The following SORCS1 variants were observed in gnomAD, a reference collection of about 807,000 sequenced individuals.
SORCS1 encodes the protein sortilin related VPS10 domain containing receptor 1.
Under a neutral mutation model 146.1 loss-of-function variants are expected in SORCS1, and 60 were observed. The observed-to-expected ratio is 0.41, with a 90% CI of 0.33 to 0.51. SORCS1 has a LOEUF of 0.51. SORCS1 is among the 20% of genes least tolerant of loss of function. SORCS1 has a pLI of 0.21. For missense variants in SORCS1, 1,352 were observed against 1,487.6 expected (o/e 0.91, Z 1.50); for synonymous variants, 637 against 584.0 (o/e 1.09, Z -1.31).
intron 2 of SORCS1, among the ~76,000 whole-genome samples, chr10:106,844,170 T>G (rs1031162001): frequency 6.6e-6 from 1 of 152,224 alleles, no homozygotes; most frequent in African/African-American, 2.4e-5. Flanking sequence ...TACTATTGGC[T>G]TTTTATATGC....
chr10:107,151,120 T>G (rs757478749), intron 1 of SORCS1, among the ~76,000 whole-genome samples: 1 of 152,180 alleles, frequency 6.6e-6, no homozygotes, highest in Non-Finnish European at 1.5e-5. Flanking sequence ...AGTCTGGAAC[T>G]TCTAGAGAAT....
chr10:106,995,013 T>C (rs1261679302), intron 1 of SORCS1, among the ~76,000 whole-genome samples: 1 of 151,922 alleles, frequency 6.6e-6, no homozygotes, highest in African/African-American at 2.4e-5. Flanking sequence ...TATTAGCAGT[T>C]AAAAAGTAAG....
intron 6 of SORCS1, among the ~76,000 whole-genome samples, chr10:106,729,296 G>T (rs1856425406): frequency 6.6e-6 from 1 of 152,148 alleles, no homozygotes; most frequent in Admixed American, 6.5e-5. Flanking sequence ...CTACAACATT[G>T]TCATGAGGCT....
At chr10:106,870,871 C>CA (rs71025564) in intron 2 of SORCS1, among the ~76,000 whole-genome samples, 16,144 of 151,692 alleles carry the variant, frequency 0.11, 1,469 homozygotes, top group East Asian at 0.3. Flanking sequence ...TTCTTCACAG[C>CA]AAAAAAGAAA....
At chr10:106,975,976 C>T (rs1955977781) in intron 1 of SORCS1, among the ~76,000 whole-genome samples, 2 of 151,960 alleles carry the variant, frequency 1.3e-5, no homozygotes, top group Non-Finnish European at 2.9e-5. Context: ...GGTGAAACTC[C>T]GTCTCTACTA....
intron 10 of SORCS1, among the ~76,000 whole-genome samples, chr10:106,681,238 G>T (rs1852412710): frequency 6.6e-6 from 1 of 152,056 alleles, no homozygotes; most frequent in Non-Finnish European, 1.5e-5. Context: ...TGTAAGACAG[G>T]GTAAACCAGG....
chr10:107,163,633 C>A (rs1296157980), intron 1 of SORCS1, among the ~76,000 whole-genome samples: 1 of 152,132 alleles, frequency 6.6e-6, no homozygotes, highest in Admixed American at 6.5e-5. Context: ...GAAATTTAAC[C>A]CTTTCATCTC....
intron 5 of SORCS1, among the ~76,000 whole-genome samples, chr10:106,734,371 C>A (rs1856807871): frequency 6.6e-6 from 1 of 152,116 alleles, no homozygotes; most frequent in African/African-American, 2.4e-5. Flanking sequence ...GTGGGGGTGC[C>A]ACTTAAGCCA....
chr10:106,710,201 C>A (rs1854869613), intron 6 of SORCS1, among the ~76,000 whole-genome samples: 1 of 152,268 alleles, frequency 6.6e-6, no homozygotes, highest in African/African-American at 2.4e-5. Flanking sequence ...GTAATCCCAG[C>A]ACTTTGGGAG....
At chr10:106,711,924 G>T (rs573040733) in intron 6 of SORCS1, among the ~76,000 whole-genome samples, 1 of 152,152 alleles carries the variant, frequency 6.6e-6, no homozygotes, top group South Asian at 2.1e-4. Flanking sequence ...TAGCTTGGGG[G>T]TCATAGAAAC....
chr10:106,854,142 T>A (rs1047579279), intron 2 of SORCS1, among the ~76,000 whole-genome samples: 11 of 152,112 alleles, frequency 7.2e-5, no homozygotes, highest in African/African-American at 2.4e-4. Flanking sequence ...ATGTTAGGCA[T>A]GTGCATATTA....
chr10:106,827,478 T>A (rs1366981750), intron 3 of SORCS1, among the ~76,000 whole-genome samples: 1 of 152,210 alleles, frequency 6.6e-6, no homozygotes, highest in South Asian at 2.1e-4. Flanking sequence ...CCTCTGAGGA[T>A]GAGTTGCTGG....
At chr10:106,916,575 TACACACAC>T (rs59313831) in intron 2 of SORCS1, among the ~76,000 whole-genome samples, 1 of 142,838 alleles carries the variant, frequency 7.0e-6, no homozygotes, top group Non-Finnish European at 1.5e-5. Context: ...TGCATATATA[TACACACAC>T]ACACACACAC....
chr10:106,598,236 ATATTAT>A lies in SORCS1; in HGVS notation c.3166-792_3166-787del, dbSNP rs10579142. On this transcript the variant is annotated intron_variant, in intron 23 of 25. Coordinates refer to ENST00000263054, the MANE Select transcript of SORCS1 (RefSeq NM_052918.5). ...TTACGGGGATAACAACACTCCTATT[ATATTAT>A]TATTATTATTATTATTATTATTATT... 6.1e-3 allele frequency among the ~76,000 whole-genome samples: 858 copies of A among 140,464 alleles called. 2 individuals carry two copies. The highest frequency in any genetic ancestry group is 0.012 in the Admixed American group (160 of 13,838). The allele number at this position is 140,464 out of a possible 152,430, so 92.1% of individuals were successfully genotyped here.
intron 1 of SORCS1, among the ~76,000 whole-genome samples, chr10:107,003,882 A>G (rs566968866): frequency 6.6e-6 from 1 of 152,176 alleles, no homozygotes; most frequent in African/African-American, 2.4e-5. Context: ...CCCTTTTTAA[A>G]GCAGAGAATA....
At chr10:107,163,791 G>C (rs1969884718) in intron 1 of SORCS1, among the ~76,000 whole-genome samples, 178 bp downstream of exon 1, 1 of 152,154 alleles carries the variant, frequency 6.6e-6, no homozygotes, top group African/African-American at 2.4e-5. Context: ...TGGGAGAGAT[G>C]GGGAGGTTGG....
At chr10:106,686,723 A>G (rs1037851291) in intron 10 of SORCS1, among the ~76,000 whole-genome samples, 1 of 152,126 alleles carries the variant, frequency 6.6e-6, no homozygotes, top group Admixed American at 6.5e-5. Flanking sequence ...TGAATTTTAG[A>G]CTGCTTCCCT....
At chr10:106,911,855 G>A (rs1345718293) in intron 2 of SORCS1, among the ~76,000 whole-genome samples, 1 of 152,152 alleles carries the variant, frequency 6.6e-6, no homozygotes, top group Non-Finnish European at 1.5e-5. Flanking sequence ...GCTCACGCCT[G>A]TGATCCCAGA....
chr10:107,150,099 T>C (rs1464607488), intron 1 of SORCS1, among the ~76,000 whole-genome samples: 7 of 152,226 alleles, frequency 4.6e-5, no homozygotes, highest in African/African-American at 1.7e-4. Context: ...TAAATTGCAA[T>C]TTATTGTTTA....
Sources: gnomAD v4.1 joint callset for allele counts (sites outside exome capture counted in the v4.1 genomes callset) on GRCh38, gnomAD v4.1.1 for gene constraint, MANE v1.5 for transcripts, NCBI Gene and HGNC (gene_info 2026-07-23, HGNC 2026-07-21) for gene names.